Variants in SHROOM2 observed in about 807,000 individuals in gnomAD.
The protein encoded by SHROOM2 is protein Shroom2.
Under a neutral mutation model 75.9 loss-of-function variants are expected in SHROOM2, and 33 were observed. The ratio of observed to expected loss-of-function variants is 0.43; its 90% CI spans 0.33 to 0.58. SHROOM2 has a LOEUF of 0.58. SHROOM2 is among the 20% of genes least tolerant of loss of function. The pLI is 0.04. For synonymous variants in SHROOM2, 655 were observed against 663.6 expected, an observed-to-expected ratio of 0.99 and a Z score of 0.20; for missense variants, 1,434 against 1,461.2, an observed-to-expected ratio of 0.98 and a Z score of 0.30.
At chrX:9,832,963 G>A (rs771362415) in intron 1 of SHROOM2, among the ~76,000 whole-genome samples, 1 of 111,774 alleles carries the variant, frequency 8.9e-6, no homozygotes, top group Non-Finnish European at 1.9e-5. Context: ...CACATGCAAA[G>A]GTTTTCCTGT....
chrX:9,906,448 TA>T (rs893606279), intron 5 of SHROOM2, among the ~76,000 whole-genome samples: 2 of 111,777 alleles, frequency 1.8e-5, no homozygotes, highest in Admixed American at 1.9e-4. Flanking sequence ...TCTCAGTCTT[TA>T]AAAAAAAATC....
At chrX:9,823,550 A>G (rs1284001945) in intron 1 of SHROOM2, among the ~76,000 whole-genome samples, 1 of 110,663 alleles carries the variant, frequency 9.0e-6, no homozygotes, top group Admixed American at 9.8e-5. Context: ...CCATAAATAG[A>G]TCTTATTTTT....
intron 1 of SHROOM2, among the ~76,000 whole-genome samples, chrX:9,840,008 A>C (rs1330607792): frequency 9.0e-6 from 1 of 111,679 alleles, no homozygotes; most frequent in Non-Finnish European, 1.9e-5. Context: ...TTTATCATGG[A>C]TGGGAAAAGT....
rs766999796 is a variant in SHROOM2, at chrX:9,824,837, A to G, written c.165+38127A>G. On this transcript the variant is annotated intron_variant, in intron 1 of 9. Transcript: ENST00000380913. ...TGACACGGCTGTTTTCACCATCAGG[A>G]CGTTCACTTATGGTTGAGTACCTGG... Among the ~76,000 whole-genome samples the G allele has an allele frequency of 2.7e-5, 3 of 111,336 alleles. No homozygotes were observed. The South Asian group carries it at 1.1e-3, about 42-fold the overall frequency.
intron 8 of SHROOM2, among the ~76,000 whole-genome samples, chrX:9,943,911 G>A (rs945252390): frequency 3.6e-5 from 4 of 110,539 alleles, no homozygotes; most frequent in Admixed American, 1.9e-4. Flanking sequence ...GCCAGGCCCG[G>A]TGGCTCACAC....
chrX:9,906,014 A>G (rs5978347), intron 5 of SHROOM2, among the ~76,000 whole-genome samples: 56,620 of 110,694 alleles, frequency 0.51, 12,879 homozygotes, highest in African/African-American at 0.87. Flanking sequence ...CGCGAGCATC[A>G]TGGTTTATGC....
At chrX:9,884,368 C>CTTCTTTTTTTTTTTTTTTTTTTTTTTTT (rs1372366663) in intron 2 of SHROOM2, among the ~76,000 whole-genome samples, 1 of 62,307 alleles carries the variant, frequency 1.6e-5, no homozygotes, top group African/African-American at 5.8e-5. Context: ...TTTTTCTTTT[C>CTTCTTTTTTTTTTTTTTTTTTTTTTTTT]TTTTTTTTTT....
chrX:9,892,652 A>C (rs2084300617), intron 3 of SHROOM2, among the ~76,000 whole-genome samples: 1 of 111,932 alleles, frequency 8.9e-6, no homozygotes, highest in Non-Finnish European at 1.9e-5. Context: ...CTTCCAGAAT[A>C]CTGGTGGGTA....
chrX:9,913,741 C>G (rs919481677), intron 5 of SHROOM2, among the ~76,000 whole-genome samples: 1 of 112,106 alleles, frequency 8.9e-6, no homozygotes, highest in East Asian at 2.8e-4. Flanking sequence ...TTTTGGAAAT[C>G]TACCTGGTAG....
intron 1 of SHROOM2, among the ~76,000 whole-genome samples, chrX:9,807,994 C>T (rs994486840): frequency 1.1e-4 from 12 of 111,838 alleles, no homozygotes; most frequent in South Asian, 3.7e-4. Flanking sequence ...CATGCAGCCC[C>T]GAGCTTTTGG....
rs369472774 is a variant in SHROOM2, at chrX:9,896,003, C to T, written c.2095C>T (p.Arg699Cys). The T allele has an allele frequency of 1.3e-4, 153 of 1,206,431 alleles. 1 individual carries two copies. In the South Asian group the frequency reaches 2.5e-3, roughly 20 times the overall value. ...ARVLRATSFK[R>C]RDLDPNPGDL... ...GGTCCTGAGGGCCACGTCCTTCAAG[C>T]GCCGCGACTTGGACCCCAACCCAGG... is the stretch of plus-strand genomic sequence containing the variant. Residue 699 changes from arginine to cysteine, a missense_variant, in exon 4 of 10, where the codon CGC (arginine) becomes TGC (cysteine). Around this residue, in one of 3 missense-constraint regions of SHROOM2, gnomAD observed 1,340 missense variants for 1,338.3 expected, o/e 1.00. Coordinates refer to ENST00000380913, the MANE Select transcript of SHROOM2 (RefSeq NM_001649.4).
intron 1 of SHROOM2, among the ~76,000 whole-genome samples, chrX:9,853,704 A>G (rs760018435): frequency 4.5e-5 from 5 of 112,114 alleles, no homozygotes; most frequent in East Asian, 2.8e-4. Flanking sequence ...TACACCTCCA[A>G]TGATCCTATT....
At chrX:9,925,087 T>C (rs2084581662) in intron 5 of SHROOM2, among the ~76,000 whole-genome samples, 1 of 111,910 alleles carries the variant, frequency 8.9e-6, no homozygotes, top group South Asian at 3.7e-4. Context: ...TCTTTTGGGC[T>C]CCATCGCCTT....
At chrX:9,946,519 T>G in intron 9 of SHROOM2, 152 bp from the exon 10 acceptor site, 1 of 516,867 alleles carries the variant, frequency 1.9e-6, no homozygotes, top group African/African-American at 2.3e-5. Flanking sequence ...GGCCCTGGGT[T>G]TGTCTGTGTG....
At position 9,837,569 on chromosome X, in the gene SHROOM2, G is replaced by T. The variant is rs914976105; in HGVS notation, c.166-36083G>T. On this transcript the variant is annotated intron_variant, in intron 1 of 9. Transcript: ENST00000380913. ...AACATAGGGGACCAGCCCTGTTTTG[G>T]TGGCGGGGAGGCTCACAGGAGAGTG... Among the ~76,000 whole-genome samples, 11 of 112,401 alleles carry T rather than the reference G, an allele frequency of 9.8e-5. No homozygotes were observed. The Admixed American group carries it at 1.0e-3, about 11-fold the overall frequency.
chrX:9,811,812 T>C (rs1348958687), intron 1 of SHROOM2, among the ~76,000 whole-genome samples: 1 of 111,681 alleles, frequency 9.0e-6, no homozygotes, highest in African/African-American at 3.3e-5. Context: ...TGTCAGCTGA[T>C]CATAGGGAAC....
Position 9,896,284 on chromosome X carries a change from C to T in SHROOM2, c.2376C>T (p.Gly792=). The T allele has an allele frequency of 3.3e-6, 4 of 1,212,263 alleles. No individual in the cohort carries two copies. The highest frequency in any genetic ancestry group is 4.5e-6 in the Non-Finnish European group (4 of 895,604). Residue 792 remains glycine (G), a synonymous_variant, in exon 4 of 10, where the codon GGC becomes GGT. Transcript: ENST00000380913. Reference sequence around the variant, plus strand: ...CCAGGACATCTGAGGATACTGTGGGCACGTTTGCTGACAGGTGGAAGTTTT... The same window carrying T: ...CCAGGACATCTGAGGATACTGTGGGTACGTTTGCTGACAGGTGGAAGTTTT... ...QHPRTSEDTV[G]TFADRWKFFE...
At chrX:9,904,638 G>A (rs1057159014) in intron 5 of SHROOM2, among the ~76,000 whole-genome samples, 5 of 112,432 alleles carry the variant, frequency 4.4e-5, no homozygotes, top group African/African-American at 6.5e-5. Flanking sequence ...AGCTGGCTGC[G>A]TTCTTCAAAG....
chrX:9,839,457 G>T (rs1388960747), intron 1 of SHROOM2, among the ~76,000 whole-genome samples: 1 of 110,842 alleles, frequency 9.0e-6, no homozygotes, highest in East Asian at 2.8e-4. Context: ...TATCACTGTG[G>T]GGCAGATGAT....
Sources: gnomAD v4.1 joint callset for allele counts (sites outside exome capture counted in the v4.1 genomes callset) on GRCh38, gnomAD v4.1.1 for gene constraint, gnomAD v4.1.1 regional missense constraint, MANE v1.5 for transcripts, NCBI Gene and HGNC (gene_info 2026-07-23, HGNC 2026-07-21) for gene names.